The following WDR20 variants were observed in gnomAD, a reference collection of about 807,000 sequenced individuals.
WDR20 encodes WD repeat-containing protein 20.
Under a neutral mutation model 38.7 loss-of-function variants are expected in WDR20, and 3 were observed. The observed-to-expected ratio is 0.08, with a 90% CI of 0.04 to 0.20. The LOEUF (loss-of-function observed/expected upper bound fraction) is 0.20. Ranked by LOEUF, WDR20 falls within the 10% of genes least tolerant of loss-of-function variation. The probability of loss-of-function intolerance (pLI) is 1.00; values close to 1 mark genes in which losing one functional copy is unlikely to be tolerated. For missense variants in WDR20, 559 were observed against 727.7 expected (o/e 0.77, Z 2.67); for synonymous variants, 298 against 285.6 (o/e 1.04, Z -0.44).
intron 1 of WDR20, among the ~76,000 whole-genome samples, chr14:102,149,635 G>A (rs1025328316): frequency 2.6e-5 from 4 of 152,122 alleles, no homozygotes; most frequent in African/African-American, 9.7e-5. Flanking sequence ...CAACTTTTCA[G>A]CTTCTCTGCC....
chr14:102,172,689 G>A (rs1443809578), intron 1 of WDR20, among the ~76,000 whole-genome samples: 166 of 145,340 alleles, frequency 1.1e-3, no homozygotes, highest in African/African-American at 4.3e-3. Flanking sequence ...CCTCCCGGAC[G>A]GGGCGGCTGG....
chr14:102,218,935 C>T (rs143089703), downstream of WDR20, among the ~76,000 whole-genome samples: 44 of 152,362 alleles, frequency 2.9e-4, no homozygotes, highest in East Asian at 7.1e-3. Flanking sequence ...GGTCCTCCGT[C>T]GGCCGGGCCG....
downstream of WDR20, among the ~76,000 whole-genome samples, chr14:102,215,894 C>T (rs1194693617): frequency 2.6e-5 from 4 of 152,170 alleles, no homozygotes; most frequent in East Asian, 1.9e-4. Context: ...ATCTGAGCAG[C>T]GCCCTGGCAC....
intron 1 of WDR20, among the ~76,000 whole-genome samples, chr14:102,149,465 G>A (rs988159652): frequency 6.6e-5 from 10 of 152,198 alleles, no homozygotes; most frequent in Non-Finnish European, 1.2e-4. Flanking sequence ...GAAGAATATT[G>A]CATTGGGTTT....
chr14:102,147,760 T>G (rs2054175390), intron 1 of WDR20, among the ~76,000 whole-genome samples: 1 of 152,226 alleles, frequency 6.6e-6, no homozygotes, highest in South Asian at 2.1e-4. Context: ...AGACAGAGTC[T>G]CACTCTATTC....
intron 2 of WDR20, chr14:102,198,422 C>T (rs1178445600): frequency 1.1e-5 from 2 of 184,730 alleles, no homozygotes; most frequent in Admixed American, 1.2e-4. Context: ...CTGGCCAACA[C>T]AGAGGTCTAC....
upstream of WDR20, chr14:102,139,564 C>G: frequency 1.3e-6 from 1 of 780,636 alleles, no homozygotes. Context: ...GACACCAGCC[C>G]CGCCGCGGTT....
intron 1 of WDR20, among the ~76,000 whole-genome samples, chr14:102,140,459 A>G (rs2050508852): frequency 6.6e-6 from 1 of 152,092 alleles, no homozygotes; most frequent in Non-Finnish European, 1.5e-5. Context: ...AGCCTGGTCC[A>G]TCAGGCTCTG....
chr14:102,200,552 T>C (rs1477786743), intron 2 of WDR20, among the ~76,000 whole-genome samples: 2 of 151,048 alleles, frequency 1.3e-5, no homozygotes, highest in African/African-American at 4.9e-5. Context: ...TAACTAATGG[T>C]TATATATTTG....
At chr14:102,211,496 G>A (rs1427426727), downstream of WDR20, among the ~76,000 whole-genome samples, 4 of 152,202 alleles carry the variant, frequency 2.6e-5, no homozygotes, top group Non-Finnish European at 4.4e-5. The surrounding 1 kb of genome is among the most constrained non-coding windows in gnomAD (Gnocchi z 4.2). Context: ...TCTGTTGAGT[G>A]TGATGGCATG....
upstream of WDR20, chr14:102,139,863 C>G (rs908993608): frequency 3.8e-6 from 6 of 1,584,882 alleles, no homozygotes; most frequent in Middle Eastern, 1.7e-4. Flanking sequence ...GCACCAGGAA[C>G]AGCGCCTGCG....
In WDR20 at chr14:102,210,412, A is replaced by G; in HGVS notation, c.*532A>G. 1.0e-6 allele frequency: 1 copy of G among 985,480 alleles called. No individual in the cohort carries two copies. The highest frequency in any genetic ancestry group is 1.2e-6 in the Non-Finnish European group (1 of 829,928). The allele number at this position is 985,480 out of a possible 1,614,324, so 61.0% of individuals were successfully genotyped here. A position where few individuals can be genotyped will look rare whatever the true frequency, so the allele number is the denominator to read the frequency against. On this transcript the variant is annotated 3_prime_UTR_variant, in exon 3 of 3. Transcript: ENST00000342702. ...AAAACGTTTAGCAGGGTTGATTGAT[A>G]TTATTTTTACATTGTTCTGGCAATC...
intron 1 of WDR20, among the ~76,000 whole-genome samples, chr14:102,173,163 A>G (rs1010489281): frequency 6.6e-6 from 1 of 151,266 alleles, no homozygotes; most frequent in African/African-American, 2.4e-5. Flanking sequence ...CGCAGGCTGG[A>G]GTGCAGTGGT....
At chr14:102,186,356 A>C (rs2064738115) in intron 1 of WDR20, among the ~76,000 whole-genome samples, 1 of 152,196 alleles carries the variant, frequency 6.6e-6, no homozygotes, top group African/African-American at 2.4e-5. Context: ...GTTCGCCTAC[A>C]CATGAAGTGT....
At chr14:102,218,344 G>A (rs2153056615), downstream of WDR20, among the ~76,000 whole-genome samples, 1 of 152,314 alleles carries the variant, frequency 6.6e-6, no homozygotes, top group African/African-American at 2.4e-5. Context: ...CACAGGCCAG[G>A]GGTCGTGGGG....
At position 102,208,841 on chromosome 14, in the gene WDR20, A is replaced by G. The variant is rs747862845; in HGVS notation, c.671A>G (p.Asn224Ser). The part of the protein sequence containing the change: ...LKWTVGEGAL[N>S]EFAFSPDGKF... ...TGGACGGTGGGCGAGGGGGCCCTCA[A>G]CGAGTTTGCTTTCTCCCCAGATGGC... Residue 224 changes from asparagine to serine, a missense_variant, in exon 3 of 3, where the codon AAC becomes AGC. Asn to Ser is a conservative substitution (Grantham distance 46). Coordinates refer to ENST00000342702, the MANE Select transcript of WDR20 (RefSeq NM_144574.4). The surrounding 1 kb of genome is among the most constrained non-coding windows in gnomAD (Gnocchi z 5.6). 3 of 1,614,220 alleles carry G rather than the reference A, an allele frequency of 1.9e-6. No homozygotes were observed. Among genetic ancestry groups the G allele is most frequent in the East Asian group, 2.2e-5 (1 of 44,886 alleles).
At chr14:102,150,072 T>A (rs2055219549) in intron 1 of WDR20, among the ~76,000 whole-genome samples, 1 of 152,212 alleles carries the variant, frequency 6.6e-6, no homozygotes, top group Non-Finnish European at 1.5e-5. Context: ...GTGTTACAGC[T>A]TATCTTGCTT....
chr14:102,214,415 G>A (rs1210819530), downstream of WDR20: 3 of 985,334 alleles, frequency 3.0e-6, no homozygotes, highest in Non-Finnish European at 3.6e-6. Context: ...GCACTCGTAT[G>A]CAACTGTTAC....
intron 1 of WDR20, among the ~76,000 whole-genome samples, chr14:102,153,902 T>C (rs1435780249): frequency 6.6e-6 from 1 of 152,234 alleles, no homozygotes; most frequent in Non-Finnish European, 1.5e-5. Context: ...TAAATACCCT[T>C]TGTCTGGGTA....
Sources: gnomAD v4.1 joint callset for allele counts (sites outside exome capture counted in the v4.1 genomes callset) on GRCh38, gnomAD v4.1.1 for gene constraint, Gnocchi (gnomAD v3.1) non-coding constraint, MANE v1.5 for transcripts, NCBI Gene and HGNC (gene_info 2026-07-23, HGNC 2026-07-21) for gene names.